ADAMTSL1: variants seen among roughly 807,000 people sequenced by gnomAD.
The protein encoded by ADAMTSL1 is ADAMTS-like protein 1.
In ADAMTSL1, 126 loss-of-function variants were observed where a neutral mutation model predicts 201.8. The observed-to-expected ratio is 0.62, with a 90% CI of 0.54 to 0.72. ADAMTSL1 has a LOEUF of 0.72. Ranked by LOEUF, ADAMTSL1 falls within the 30% of genes least tolerant of loss-of-function variation. The pLI is 0.00. For missense variants in ADAMTSL1, 2,679 were observed against 2,277.8 expected (o/e 1.18, Z -3.59); for synonymous variants, 1,121 against 903.4 (o/e 1.24, Z -4.32).
intron 23 of ADAMTSL1, among the ~76,000 whole-genome samples, chr9:18,879,820 C>A (rs1171576301): frequency 2.0e-5 from 3 of 152,140 alleles, no homozygotes; most frequent in Non-Finnish European, 2.9e-5. Context: ...ATGAAAGAGT[C>A]CTCTGTAGCA....
chr9:18,026,489 G>C (rs1820702357), intron 1 of ADAMTSL1, among the ~76,000 whole-genome samples: 1 of 151,916 alleles, frequency 6.6e-6, no homozygotes, highest in Admixed American at 6.6e-5. Flanking sequence ...TTTTAAATCT[G>C]TTTATGTGGT....
chr9:18,180,484 G>T (rs1330532964), intron 2 of ADAMTSL1, among the ~76,000 whole-genome samples: 3 of 135,674 alleles, frequency 2.2e-5, no homozygotes, highest in Non-Finnish European at 4.5e-5. Flanking sequence ...AGTGAGCCAA[G>T]ATCCCGCCAC....
At chr9:18,483,745 T>G (rs1821848074) in intron 1 of ADAMTSL1, among the ~76,000 whole-genome samples, 1 of 152,036 alleles carries the variant, frequency 6.6e-6, no homozygotes. Context: ...GAGAATGGCG[T>G]GAACCTGGGA....
intron 5 of ADAMTSL1, among the ~76,000 whole-genome samples, chr9:18,630,494 G>C (rs1474841961): frequency 1.3e-5 from 2 of 152,096 alleles, no homozygotes; most frequent in African/African-American, 2.4e-5. Flanking sequence ...AATTCTAACT[G>C]TTTTTGTCTC....
chr9:18,051,321 C>G (rs1276711220), intron 1 of ADAMTSL1, among the ~76,000 whole-genome samples: 1 of 151,838 alleles, frequency 6.6e-6, no homozygotes, highest in East Asian at 1.9e-4. Flanking sequence ...TTATATATAT[C>G]CACACTATAT....
intron 1 of ADAMTSL1, among the ~76,000 whole-genome samples, chr9:18,074,633 C>T (rs550713039): frequency 6.7e-6 from 1 of 150,252 alleles, no homozygotes; most frequent in East Asian, 2.0e-4. Context: ...TCTCGTCACT[C>T]AGGCTGGAGT....
intron 14 of ADAMTSL1, among the ~76,000 whole-genome samples, chr9:18,719,816 G>A (rs1833224485): frequency 6.6e-6 from 1 of 152,178 alleles, no homozygotes; most frequent in African/African-American, 2.4e-5. Context: ...GCTGATGATT[G>A]AGCTGATGAC....
chr9:17,914,497 A>G (rs1826010222), intron 1 of ADAMTSL1, among the ~76,000 whole-genome samples: 2 of 152,164 alleles, frequency 1.3e-5, no homozygotes, highest in South Asian at 4.1e-4. Context: ...ACTCTCAATA[A>G]ATTAGGTGTT....
intron 3 of ADAMTSL1, among the ~76,000 whole-genome samples, chr9:18,535,145 G>A (rs1392224538): frequency 6.6e-6 from 1 of 152,070 alleles, no homozygotes; most frequent in Non-Finnish European, 1.5e-5. Flanking sequence ...GCTTCCTCTT[G>A]AATGCTTTGT....
chr9:18,829,769 T>A, intron 22 of ADAMTSL1, 74 bp from the exon 23 acceptor site: 1 of 1,585,124 alleles, frequency 6.3e-7, no homozygotes, highest in Non-Finnish European at 8.6e-7. Context: ...CACACATGCA[T>A]ACCCACCTCT....
chr9:18,404,117 C>G (rs1225243580), intron 2 of ADAMTSL1, among the ~76,000 whole-genome samples: 1 of 152,160 alleles, frequency 6.6e-6, no homozygotes, highest in Admixed American at 6.5e-5. Flanking sequence ...ATAGAAACTT[C>G]TCTCACAAAT....
chr9:18,435,574 C>A (rs1284489568), intron 2 of ADAMTSL1, among the ~76,000 whole-genome samples: 2 of 152,156 alleles, frequency 1.3e-5, no homozygotes, highest in Non-Finnish European at 2.9e-5. Flanking sequence ...GGGAAGGGTT[C>A]TGACAGAGAG....
chr9:18,151,412 A>T (rs1826906501), intron 1 of ADAMTSL1, among the ~76,000 whole-genome samples: 1 of 151,792 alleles, frequency 6.6e-6, no homozygotes, highest in South Asian at 2.1e-4. Flanking sequence ...ATTCCTCTAA[A>T]TTTTTTCTTC....
intron 2 of ADAMTSL1, among the ~76,000 whole-genome samples, chr9:18,304,764 T>C (rs80219046): frequency 0.025 from 3,787 of 152,280 alleles, 160 homozygotes; most frequent in African/African-American, 0.085. Flanking sequence ...TTGAGGCATA[T>C]TCCATAACTC....
intron 2 of ADAMTSL1, among the ~76,000 whole-genome samples, chr9:18,178,802 C>T (rs1828306404): frequency 2.0e-5 from 3 of 152,210 alleles, no homozygotes; most frequent in African/African-American, 7.2e-5. Flanking sequence ...TCCAACAGAA[C>T]TGCAGCTGAG....
At chr9:18,214,406 A>G (rs1041276173) in intron 2 of ADAMTSL1, among the ~76,000 whole-genome samples, 1 of 152,216 alleles carries the variant, frequency 6.6e-6, no homozygotes, top group African/African-American at 2.4e-5. Context: ...GGAACAATTC[A>G]GAGATGATGT....
intron 1 of ADAMTSL1, among the ~76,000 whole-genome samples, chr9:18,074,267 A>G (rs1823095844): frequency 6.6e-6 from 1 of 152,152 alleles, no homozygotes; most frequent in Non-Finnish European, 1.5e-5. Context: ...TCTTTCAAAA[A>G]ACTATGAATG....
In ADAMTSL1 at chr9:18,574,148, G is replaced by A. The variant is rs1014497951; in HGVS notation, c.356G>A (p.Cys119Tyr). ...GTGTCTAATGACCCTGACAACCCAT[G>A]TTCACTCAAGTGCCAAGCCAAAGGA... ...LPVSNDPDNP[C>Y]SLKCQAKGTT... The change falls in exon 4 of 29, where the codon TGT (cysteine) becomes TAT (tyrosine). Residue 119 changes from cysteine to tyrosine, a missense_variant. Physicochemically the swap from Cys to Tyr is radical, Grantham distance 194. Coordinates refer to ENST00000380548, the MANE Select transcript of ADAMTSL1 (RefSeq NM_001040272.6). 1.1e-5 allele frequency: 17 copies of A among 1,614,116 alleles called. No homozygotes were observed. Among genetic ancestry groups the A allele is most frequent in the Non-Finnish European group, 1.3e-5 (15 of 1,180,010 alleles).
intron 4 of ADAMTSL1, among the ~76,000 whole-genome samples, chr9:18,609,151 AT>A (rs1825216539): frequency 6.6e-6 from 1 of 152,192 alleles, no homozygotes; most frequent in Non-Finnish European, 1.5e-5. Flanking sequence ...TGACAGATAA[AT>A]TTAATGATAG....
Sources: allele counts gnomAD v4.1 joint callset (sites outside exome capture counted in the v4.1 genomes callset), GRCh38; gene constraint gnomAD v4.1.1; transcripts MANE v1.5; gene names NCBI Gene and HGNC (gene_info 2026-07-23, HGNC 2026-07-21).